MEGF9: variants seen among roughly 807,000 people sequenced by gnomAD.
MEGF9 encodes the protein multiple EGF like domains 9.
MEGF9 carries 6 observed loss-of-function variants against 46.8 expected under a neutral mutation model. The observed-to-expected ratio is 0.13, with a 90% CI of 0.07 to 0.25. The LOEUF (loss-of-function observed/expected upper bound fraction) is 0.25, where lower values mean the gene tolerates loss of function less well. MEGF9 is among the 10% of genes least tolerant of loss of function. MEGF9 has a pLI of 1.00. For missense variants in MEGF9, 683 were observed against 792.4 expected, an observed-to-expected ratio of 0.86 and a Z score of 1.66; for synonymous variants, 302 against 330.7, an observed-to-expected ratio of 0.91 and a Z score of 0.94.
chr9:120,612,623 G>A, intron 3 of MEGF9, 84 bp from the exon 4 acceptor site: 5 of 1,276,322 alleles, frequency 3.9e-6, no homozygotes, highest in Non-Finnish European at 5.4e-6. Context: ...GCAACAAAAA[G>A]ATCATAAGAA....
intron 1 of MEGF9, among the ~76,000 whole-genome samples, chr9:120,705,183 T>C (rs1313761084): frequency 6.6e-6 from 1 of 152,136 alleles, no homozygotes; most frequent in Non-Finnish European, 1.5e-5. Context: ...GACATTTTCA[T>C]ATTAAGAAGG....
intron 1 of MEGF9, among the ~76,000 whole-genome samples, chr9:120,676,319 TCA>T: frequency 6.6e-6 from 1 of 152,354 alleles, no homozygotes; most frequent in Non-Finnish European, 1.5e-5. Flanking sequence ...CTCCACTTAT[TCA>T]GTCTTCTTTT....
chr9:120,607,734 G>A lies in MEGF9; in HGVS notation c.1357+7C>T, dbSNP rs1463258477. 1.9e-6 allele frequency: 3 copies of A among 1,608,286 alleles called. No homozygotes were observed. The South Asian group carries it at 3.3e-5, about 18-fold the overall frequency. ...TTAAATTTACAATCACTTAGGTGAA[G>A]TTTTACCTTTCTTGATGCAATTTCC... On this transcript the variant is annotated splice_region_variant and intron_variant, in intron 5 of 5. Transcript: ENST00000373930.
At chr9:120,654,979 T>C (rs1421895635) in intron 2 of MEGF9, among the ~76,000 whole-genome samples, 2 of 152,160 alleles carry the variant, frequency 1.3e-5, no homozygotes, top group Non-Finnish European at 2.9e-5. Flanking sequence ...TACAATGGAC[T>C]TATGTTTAAG....
At chr9:120,682,770 A>G (rs2043804449) in intron 1 of MEGF9, among the ~76,000 whole-genome samples, 1 of 152,112 alleles carries the variant, frequency 6.6e-6, no homozygotes, top group Non-Finnish European at 1.5e-5. Context: ...TTTTGTAGAG[A>G]CAGGATCTTG....
intron 1 of MEGF9, among the ~76,000 whole-genome samples, chr9:120,695,550 G>A (rs1416619467): frequency 2.3e-5 from 3 of 128,640 alleles, no homozygotes; most frequent in Non-Finnish European, 4.6e-5. Context: ...GTTGCAGTGA[G>A]CCCAGATCAC....
Position 120,659,528 on chromosome 9 carries a change from A to C in MEGF9, c.649T>G (p.Cys217Gly). 6.2e-7 allele frequency: 1 copy of C among 1,613,596 alleles called. No homozygotes were observed. The highest frequency in any genetic ancestry group is 8.5e-7 in the Non-Finnish European group (1 of 1,179,730). ...TCACACTGCCCTGTGGTCTGGTTGC[A>C]GCGATTCACATTCAGGCTTCCAACC... ...SVVGSLNVNR[C>G]NQTTGQCECR... Residue 217 changes from cysteine (C) to glycine (G), a missense_variant, in exon 2 of 6, where the codon TGC becomes GGC. By Grantham distance (159) the Cys-to-Gly change is radical (BLOSUM62 -3). Transcript: ENST00000373930.
At chr9:120,677,436 T>C (rs1042248786) in intron 1 of MEGF9, among the ~76,000 whole-genome samples, 6 of 152,342 alleles carry the variant, frequency 3.9e-5, no homozygotes, top group Non-Finnish European at 7.3e-5. Flanking sequence ...TGGCATTTTT[T>C]TTCCAATCTG....
Position 120,672,334 on chromosome 9 carries a change from TA to T in MEGF9, c.602-12760del, listed in dbSNP as rs367995055. On this transcript the variant is annotated intron_variant, in intron 1 of 5. Coordinates refer to ENST00000373930, the MANE Select transcript of MEGF9 (RefSeq NM_001080497.3). ...GCCAGGGGTAGTAGCTCGACACGTA[TA>T]AAATCCCAGCTCTTTGGAAGGCCAA... is the stretch of plus-strand genomic sequence containing the variant. 4.1e-4 allele frequency among the ~76,000 whole-genome samples: 63 copies of T among 152,170 alleles called. No individual in the cohort carries two copies. The East Asian group carries it at 9.8e-3, about 24-fold the overall frequency.
At chr9:120,606,628 G>A (rs1017158825) in intron 5 of MEGF9, among the ~76,000 whole-genome samples, 8 of 152,102 alleles carry the variant, frequency 5.3e-5, no homozygotes, top group Non-Finnish European at 8.8e-5. Context: ...AGAAGTGTGT[G>A]GCTACAGATA....
chr9:120,633,323 G>C (rs1221238112), intron 2 of MEGF9, among the ~76,000 whole-genome samples: 1 of 152,066 alleles, frequency 6.6e-6, no homozygotes, highest in Non-Finnish European at 1.5e-5. Flanking sequence ...TTGGTAGCTT[G>C]CATGTTTCCA....
At chr9:120,695,629 A>G (rs2043873045) in intron 1 of MEGF9, among the ~76,000 whole-genome samples, 1 of 148,488 alleles carries the variant, frequency 6.7e-6, no homozygotes, top group South Asian at 2.1e-4. Flanking sequence ...AAAAAAAAAA[A>G]GCAAATAATC....
chr9:120,611,832 A>AAGGAAGGAAGG (rs2043447027), intron 4 of MEGF9, among the ~76,000 whole-genome samples: 2 of 139,348 alleles, frequency 1.4e-5, no homozygotes, highest in African/African-American at 5.8e-5. Flanking sequence ...GAAAAGAAAG[A>AAGGAAGGAAGG]AAGGAAGGAA....
rs947894264 is a variant in MEGF9, at chr9:120,603,144, C to T, written c.*2046G>A. 2.6e-5 allele frequency: 4 copies of T among 152,092 alleles called. No individual in the cohort carries two copies. The highest frequency in any genetic ancestry group is 9.7e-5 in the African/African-American group (4 of 41,398). 9.4% of individuals were successfully genotyped at this position (152,092 alleles called of 1,614,324 possible). A position where few individuals can be genotyped will look rare whatever the true frequency, so the allele number is the denominator to read the frequency against. ...AAAACATGTGCTTTAGAGTTAGAGGCCCTGATTCCAAGCCTAATAATCACA... is the reference window on the plus strand; with the variant it reads ...AAAACATGTGCTTTAGAGTTAGAGGTCCTGATTCCAAGCCTAATAATCACA... On this transcript the variant is annotated 3_prime_UTR_variant, in exon 6 of 6. Transcript: ENST00000373930.
At chr9:120,698,324 G>A (rs2043888071) in intron 1 of MEGF9, among the ~76,000 whole-genome samples, 2 of 152,136 alleles carry the variant, frequency 1.3e-5, no homozygotes, top group African/African-American at 2.4e-5. Flanking sequence ...GCTGTTTTGG[G>A]GATTTCCATC....
chr9:120,612,790 T>C (rs1391981860), intron 3 of MEGF9, among the ~76,000 whole-genome samples: 2 of 152,104 alleles, frequency 1.3e-5, no homozygotes, highest in African/African-American at 4.8e-5. Flanking sequence ...CTGGTTAATC[T>C]GATTACATAC....
At position 120,603,286 on chromosome 9, in the gene MEGF9, CAT is replaced by C. The variant is rs1182261432; in HGVS notation, c.*1902_*1903del. 2.0e-5 allele frequency: 3 copies of C among 152,138 alleles called. No homozygotes were observed. Among genetic ancestry groups the C allele is most frequent in the Non-Finnish European group, 4.4e-5 (3 of 68,024 alleles). 9.4% of individuals were successfully genotyped at this position (152,138 alleles called of 1,614,324 possible). Reference sequence around the variant, plus strand: ...GCTATGGTGTGGAAGAGAGGACACACATATGGAAAAGTGCTTTGCAAACTACA... The same window carrying C: ...GCTATGGTGTGGAAGAGAGGACACACATGGAAAAGTGCTTTGCAAACTACA... On this transcript the variant is annotated 3_prime_UTR_variant, in exon 6 of 6. Coordinates refer to ENST00000373930, the MANE Select transcript of MEGF9 (RefSeq NM_001080497.3).
chr9:120,677,130 T>C (rs2043776609), intron 1 of MEGF9, among the ~76,000 whole-genome samples: 1 of 149,548 alleles, frequency 6.7e-6, no homozygotes, highest in Admixed American at 6.7e-5. Context: ...TGTGTGAGTG[T>C]GTGTGTGTGT....
chr9:120,606,078 A>G lies in MEGF9; in HGVS notation c.1358-437T>C, dbSNP rs578200961. ...TCCCAGCTACTCGAGAGGCTGAGGC[A>G]GAGAACTGTTTGAAGCTGGGAGGCA... On this transcript the variant is annotated intron_variant, in intron 5 of 5. Transcript: ENST00000373930. Among the ~76,000 whole-genome samples, 423 of 151,822 alleles carry G rather than the reference A, an allele frequency of 2.8e-3. 4 individuals carry two copies. Among genetic ancestry groups the G allele is most frequent in the African/African-American group, 9.8e-3 (407 of 41,344 alleles).
Sources: gnomAD v4.1 joint callset for allele counts (sites outside exome capture counted in the v4.1 genomes callset) on GRCh38, gnomAD v4.1.1 for gene constraint, MANE v1.5 for transcripts, NCBI Gene and HGNC (gene_info 2026-07-23, HGNC 2026-07-21) for gene names.